Variants in TAF5 observed in about 807,000 individuals in gnomAD.
TAF5 encodes transcription initiation factor TFIID subunit 5.
In TAF5, 20 loss-of-function variants were observed where a neutral mutation model predicts 80.9. The ratio of observed to expected loss-of-function variants is 0.25; its 90% CI spans 0.17 to 0.36. The LOEUF (loss-of-function observed/expected upper bound fraction) is 0.36, where lower values mean the gene tolerates loss of function less well. TAF5 is among the 10% of genes least tolerant of loss of function. The pLI is 1.00. For synonymous variants in TAF5, 388 were observed against 406.4 expected (o/e 0.95, Z 0.55); for missense variants, 863 against 1,029.4 (o/e 0.84, Z 2.21).
In TAF5 at chr10:103,387,098, T is replaced by C; in HGVS notation, c.1830-77T>C. On this transcript the variant is annotated intron_variant, in intron 8 of 10. Coordinates refer to ENST00000369839, the MANE Select transcript of TAF5 (RefSeq NM_006951.5). ...AACTTTTTATGTGGATGTTTCTGTA[T>C]TTATTTTGTATAGATTTTTGGCGTT... is the stretch of plus-strand genomic sequence containing the variant. The C allele has an allele frequency of 2.1e-6, 3 of 1,417,870 alleles. No homozygotes were observed. In the South Asian group the frequency reaches 4.3e-5, roughly 20 times the overall value. The allele number at this position is 1,417,870 out of a possible 1,614,324, so 87.8% of individuals were successfully genotyped here.
Position 103,383,310 on chromosome 10 carries a change from T to C in TAF5, c.1607T>C (p.Leu536Ser). 1.2e-6 allele frequency: 2 copies of C among 1,608,472 alleles called. No homozygotes were observed. Among genetic ancestry groups the C allele is most frequent in the Non-Finnish European group, 1.7e-6 (2 of 1,178,514 alleles). ...RIMDEKTASE[L>S]KILYGHSGPV... ...ATGGATGAGAAAACAGCAAGTGAGTTGAAGATTTTGTATGGTCACAGTGGG... is the reference window on the plus strand; with the variant it reads ...ATGGATGAGAAAACAGCAAGTGAGTCGAAGATTTTGTATGGTCACAGTGGG... The change falls in exon 7 of 11, where the codon TTG becomes TCG. Residue 536 changes from leucine to serine, a missense_variant. By Grantham distance (145) the Leu-to-Ser change is moderately radical. This residue lies in a region of TAF5 where 368 missense variants were observed against 461.7 expected (regional missense o/e 0.80). Coordinates refer to ENST00000369839, the MANE Select transcript of TAF5 (RefSeq NM_006951.5).
chr10:103,368,557 T>G lies in TAF5; in HGVS notation c.559+9T>G, dbSNP rs1286765000. 3.4e-6 allele frequency: 5 copies of G among 1,488,586 alleles called. No individual in the cohort carries two copies. Among genetic ancestry groups the G allele is most frequent in the South Asian group, 2.6e-5 (2 of 76,156 alleles). The allele number at this position is 1,488,586 out of a possible 1,614,324, so 92.2% of individuals were successfully genotyped here. On this transcript the variant is annotated intron_variant, in intron 1 of 10. Transcript: ENST00000369839. ...TGCGGCTCCGGGTAAAGGTGAGCCGTGGGGTCCCGGGTAGGTACGGCCGCC... is the reference window on the plus strand; with the variant it reads ...TGCGGCTCCGGGTAAAGGTGAGCCGGGGGGTCCCGGGTAGGTACGGCCGCC...
intron 7 of TAF5, 138 bp from the exon 8 acceptor site, chr10:103,385,188 A>C (rs1275347309): frequency 1.5e-6 from 1 of 651,696 alleles, no homozygotes; most frequent in Non-Finnish European, 2.5e-6. Flanking sequence ...ATGAATTAAA[A>C]GTGAGATGCA....
intron 1 of TAF5, 36 bp downstream of exon 1, chr10:103,368,584 C>T: frequency 6.9e-7 from 1 of 1,444,940 alleles, no homozygotes; most frequent in East Asian, 2.6e-5. Context: ...ACGGCCGCCG[C>T]GAAGGGGAGC....
intron 5 of TAF5, among the ~76,000 whole-genome samples, chr10:103,380,312 T>G (rs2133631983): frequency 6.6e-6 from 1 of 152,240 alleles, no homozygotes; most frequent in African/African-American, 2.4e-5. Context: ...GTATTTTTAG[T>G]AGAGATGGGG....
At chr10:103,387,866 C>A in intron 10 of TAF5, 140 bp from the exon 11 acceptor site, 2 of 1,071,288 alleles carry the variant, frequency 1.9e-6, no homozygotes, top group African/African-American at 1.6e-5. Context: ...CTTGATAATG[C>A]TCCTTAGGAA....
At chr10:103,377,113 C>G (rs1311640516) in intron 2 of TAF5, among the ~76,000 whole-genome samples, 1 of 152,170 alleles carries the variant, frequency 6.6e-6, no homozygotes, top group Non-Finnish European at 1.5e-5. Context: ...CCACTGCACT[C>G]CAGCTTAGGC....
chr10:103,386,662 G>A (rs2093397002), intron 8 of TAF5, among the ~76,000 whole-genome samples: 1 of 136,422 alleles, frequency 7.3e-6, no homozygotes, highest in Non-Finnish European at 1.6e-5. Context: ...CAAGACCTCA[G>A]CATTTTTTTT....
chr10:103,387,453 A>G (rs530473843), intron 9 of TAF5, 68 bp from the exon 10 acceptor site: 3 of 1,551,722 alleles, frequency 1.9e-6, no homozygotes, highest in East Asian at 4.5e-5. Context: ...CATTCTTACT[A>G]CAAAACTTTA....
At position 103,379,672 on chromosome 10, in the gene TAF5, G is replaced by A. The variant is rs1343866264; in HGVS notation, c.1178G>A (p.Gly393Glu). The A allele has an allele frequency of 6.2e-7, 1 of 1,609,466 alleles. No individual in the cohort carries two copies. The highest frequency in any genetic ancestry group is 1.1e-5 in the South Asian group (1 of 89,208). ...EVPLDDEDEE[G>E]ENEEGKPKKK... ...CCTTTGGATGACGAGGATGAAGAGGGAGAAAATGAAGAAGGAAAACCTAAA... is the reference window on the plus strand; with the variant it reads ...CCTTTGGATGACGAGGATGAAGAGGAAGAAAATGAAGAAGGAAAACCTAAA... Residue 393 changes from glycine to glutamate, a missense_variant, in exon 4 of 11, where the codon GGA (glycine) becomes GAA (glutamate). Transcript: ENST00000369839.
Position 103,368,054 on chromosome 10 carries a change from C to T in TAF5, c.65C>T (p.Thr22Met). The change falls in exon 1 of 11, where the codon ACG becomes ATG. Residue 22 changes from threonine to methionine, a missense_variant. This residue lies in a region of TAF5 where 367 missense variants were observed against 335.5 expected (regional missense o/e 1.09). Coordinates refer to ENST00000369839, the MANE Select transcript of TAF5 (RefSeq NM_006951.5). ...AVKLEPEGPP[T>M]LLPPQAGDGA... is the part of the protein sequence containing the mutation. ...AAGCTAGAGCCTGAGGGACCGCCAA[C>T]GCTGCTACCTCCGCAGGCGGGGGAC... 1 of 1,438,108 alleles carries T rather than the reference C, an allele frequency of 7.0e-7. No individual in the cohort carries two copies. Among genetic ancestry groups the T allele is most frequent in the Non-Finnish European group, 9.1e-7 (1 of 1,098,386 alleles). 89.1% of individuals were successfully genotyped at this position (1,438,108 alleles called of 1,614,324 possible).
chr10:103,377,039 C>T (rs1388149008), intron 2 of TAF5, among the ~76,000 whole-genome samples: 1 of 152,168 alleles, frequency 6.6e-6, no homozygotes, highest in Non-Finnish European at 1.5e-5. Flanking sequence ...CACAGCAGTC[C>T]TAGCTACTCG....
intron 1 of TAF5, 134 bp from the exon 2 acceptor site, chr10:103,373,224 G>T: frequency 1.5e-6 from 1 of 687,674 alleles, no homozygotes; most frequent in Non-Finnish European, 2.5e-6. Context: ...TTATGTGATT[G>T]TGTTGAGGAA....
In TAF5 at chr10:103,368,000, T is replaced by TGGCGGAGGAGCA; in HGVS notation, c.13_24dup (p.Ala5_Gln8dup). On this transcript the variant is annotated inframe_insertion, in exon 1 of 11. Transcript: ENST00000369839. ...TGGCTCAGCCGCAAGATGGCGGCGCTGGCGGAGGAGCAGACGGAGGTGGCG... is the reference window on the plus strand; with the variant it reads ...TGGCTCAGCCGCAAGATGGCGGCGCTGGCGGAGGAGCAGGCGGAGGAGCAGACGGAGGTGGCG... 2.7e-6 allele frequency: 4 copies of TGGCGGAGGAGCA among 1,461,442 alleles called. No homozygotes were observed. Among genetic ancestry groups the TGGCGGAGGAGCA allele is most frequent in the Non-Finnish European group, 3.6e-6 (4 of 1,113,742 alleles). The allele number at this position is 1,461,442 out of a possible 1,614,324, so 90.5% of individuals were successfully genotyped here. A position where few individuals can be genotyped will look rare whatever the true frequency, so the allele number is the denominator to read the frequency against.
At chr10:103,372,876 CAA>C (rs1297249783) in intron 1 of TAF5, among the ~76,000 whole-genome samples, 2 of 149,288 alleles carry the variant, frequency 1.3e-5, no homozygotes, top group Non-Finnish European at 3.0e-5. Flanking sequence ...GCCTGGGCGA[CAA>C]GAGTGAAACT....
chr10:103,378,636 T>G lies in TAF5; in HGVS notation c.1113+86T>G. 1 of 1,420,840 alleles carries G rather than the reference T, an allele frequency of 7.0e-7. No homozygotes were observed. Among genetic ancestry groups the G allele is most frequent in the Non-Finnish European group, 9.4e-7 (1 of 1,064,934 alleles). The allele number at this position is 1,420,840 out of a possible 1,614,324, so 88.0% of individuals were successfully genotyped here. A position where few individuals can be genotyped will look rare whatever the true frequency, so the allele number is the denominator to read the frequency against. On this transcript the variant is annotated intron_variant, in intron 3 of 10. Transcript: ENST00000369839. The surrounding 1 kb of genome is among the most constrained non-coding windows in gnomAD (Gnocchi z 4.1). ...CTACATAAGTTACACATTTTTCTTA[T>G]AGCTAGCTTGGAAACAATTTTTTTC...
chr10:103,386,898 C>T (rs571633968), intron 8 of TAF5, among the ~76,000 whole-genome samples: 5 of 151,512 alleles, frequency 3.3e-5, no homozygotes, highest in East Asian at 1.9e-4. Flanking sequence ...CTCCTGACCT[C>T]GTGATCTGCA....
chr10:103,376,475 T>C (rs922358497), intron 2 of TAF5, among the ~76,000 whole-genome samples: 4 of 151,696 alleles, frequency 2.6e-5, no homozygotes, highest in African/African-American at 4.8e-5. Flanking sequence ...AGAGGAACAG[T>C]AGAACTTAGC....
intron 5 of TAF5, among the ~76,000 whole-genome samples, chr10:103,381,330 G>A (rs984361571): frequency 9.2e-5 from 14 of 151,438 alleles, no homozygotes; most frequent in Middle Eastern, 6.3e-3. Context: ...GCAGTGGCAC[G>A]ATTTTGGCTC....
Sources: gnomAD v4.1 joint callset for allele counts (sites outside exome capture counted in the v4.1 genomes callset) on GRCh38, gnomAD v4.1.1 for gene constraint, gnomAD v4.1.1 regional missense constraint, Gnocchi (gnomAD v3.1) non-coding constraint, MANE v1.5 for transcripts, NCBI Gene and HGNC (gene_info 2026-07-23, HGNC 2026-07-21) for gene names.